ITK: variants seen among roughly 807,000 people sequenced by gnomAD.
The protein encoded by ITK is IL2 inducible T cell kinase.
In ITK, 45 loss-of-function variants were observed where a neutral mutation model predicts 87.6. The observed-to-expected ratio is 0.51, with a 90% CI of 0.40 to 0.66. The LOEUF (loss-of-function observed/expected upper bound fraction) is 0.66. ITK is among the 30% of genes least tolerant of loss of function. The pLI is 0.00. For synonymous variants in ITK, 303 were observed against 273.6 expected (o/e 1.11, Z -1.06); for missense variants, 605 against 766.3 (o/e 0.79, Z 2.48).
At chr5:157,220,983 G>A (rs993471985) in intron 5 of ITK, among the ~76,000 whole-genome samples, 12 of 151,964 alleles carry the variant, frequency 7.9e-5, no homozygotes, top group Admixed American at 2.6e-4. Flanking sequence ...CTCAGCCTCC[G>A]CAGTTGCTGG....
intron 6 of ITK, 103 bp downstream of exon 6, chr5:157,223,117 T>A (rs1420575486): frequency 7.2e-7 from 1 of 1,384,832 alleles, no homozygotes; most frequent in East Asian, 2.3e-5. Flanking sequence ...ACCACAGCAC[T>A]GAGGTGGGAG....
Position 157,253,762 on chromosome 5 carries a change from G to A in ITK, c.*1084G>A, listed in dbSNP as rs1755196162. The A allele has an allele frequency of 4.6e-6, 1 of 216,722 alleles. No individual in the cohort carries two copies. The highest frequency in any genetic ancestry group is 9.3e-6 in the Non-Finnish European group (1 of 107,738). 13.4% of individuals were successfully genotyped at this position (216,722 alleles called of 1,614,324 possible). On this transcript the variant is annotated 3_prime_UTR_variant, in exon 17 of 17. Transcript: ENST00000422843. ...AGACTCCAAGTCTCCTAAAATTCTA[G>A]GAGAGAAATAAAGAGTCTGTTTTTG...
intron 6 of ITK, among the ~76,000 whole-genome samples, chr5:157,223,447 T>C (rs1349379016): frequency 2.0e-5 from 3 of 152,230 alleles, no homozygotes; most frequent in Admixed American, 6.5e-5. Flanking sequence ...TTGATAGTTA[T>C]GTTAGGACGC....
intron 1 of ITK, among the ~76,000 whole-genome samples, chr5:157,205,975 C>CT (rs36004184): frequency 0.026 from 2,896 of 111,456 alleles, 66 homozygotes; most frequent in Non-Finnish European, 0.033. Context: ...AAGGATTAGC[C>CT]TTTTTTTTTT....
intron 1 of ITK, among the ~76,000 whole-genome samples, chr5:157,208,609 T>G (rs1265838427): frequency 6.6e-6 from 1 of 152,176 alleles, no homozygotes; most frequent in Non-Finnish European, 1.5e-5. Context: ...CTGCCAATGC[T>G]GCCATTTGTC....
intron 6 of ITK, among the ~76,000 whole-genome samples, chr5:157,224,820 T>A (rs927951171): frequency 9.2e-5 from 14 of 152,108 alleles, no homozygotes; most frequent in Admixed American, 3.3e-4. Flanking sequence ...AATCTTAGAA[T>A]GTATGATTGT....
intron 2 of ITK, 115 bp from the exon 3 acceptor site, chr5:157,211,172 G>A (rs1001068752): frequency 1.2e-6 from 1 of 838,156 alleles, no homozygotes; most frequent in Non-Finnish European, 2.1e-6. Context: ...TTACCCAAAT[G>A]TTTGCCTATA....
At chr5:157,251,895 A>C (rs1755144934) in intron 16 of ITK, among the ~76,000 whole-genome samples, 1 of 152,244 alleles carries the variant, frequency 6.6e-6, no homozygotes, top group Non-Finnish European at 1.5e-5. Context: ...GTAGCTTTAG[A>C]GTAAGTCCTA....
At chr5:157,237,085 A>G (rs539059664) in intron 8 of ITK, among the ~76,000 whole-genome samples, 1 of 152,358 alleles carries the variant, frequency 6.6e-6, no homozygotes, top group South Asian at 2.1e-4. Flanking sequence ...AGGATAATAA[A>G]TTATTCTACC....
rs1010203146 is a variant in ITK, at chr5:157,190,039, A to C, written c.138+8924A>C. Among the ~76,000 whole-genome samples the C allele has an allele frequency of 2.6e-5, 4 of 152,182 alleles. No individual in the cohort carries two copies. The East Asian group carries it at 5.8e-4, about 22-fold the overall frequency. On this transcript the variant is annotated intron_variant, in intron 1 of 16. Transcript: ENST00000422843. Reference sequence around the variant, plus strand: ...TCTGTAATGCCTTCCCATGCATATAAAAGTCCCCTTTTGGATCAACAGTCT... The same window carrying C: ...TCTGTAATGCCTTCCCATGCATATACAAGTCCCCTTTTGGATCAACAGTCT...
intron 1 of ITK, among the ~76,000 whole-genome samples, chr5:157,182,558 G>A (rs189138448): frequency 5.9e-5 from 9 of 152,194 alleles, no homozygotes; most frequent in East Asian, 5.8e-4. Context: ...ATGGAATTAC[G>A]TGCAAGTCCT....
At chr5:157,248,515 C>T (rs531150762) in intron 15 of ITK, among the ~76,000 whole-genome samples, 8 of 152,110 alleles carry the variant, frequency 5.3e-5, no homozygotes, top group South Asian at 2.1e-4. Flanking sequence ...TCTCATTTTC[C>T]ACAATCCTCC....
intron 5 of ITK, among the ~76,000 whole-genome samples, chr5:157,218,545 T>C (rs570154162): frequency 4.1e-4 from 62 of 151,332 alleles, no homozygotes; most frequent in African/African-American, 1.4e-3. Flanking sequence ...GCACATCTAC[T>C]CTTCGCAAGC....
chr5:157,243,664 G>A lies in ITK; in HGVS notation c.1102G>A (p.Glu368Lys), dbSNP rs1754959488. Residue 368 changes from glutamate (E) to lysine (K), a missense_variant, in exon 12 of 17, where the codon GAG (glutamate) becomes AAG (lysine). By Grantham distance (56) the Glu-to-Lys change is moderately conservative. Around this residue, in one of 3 missense-constraint regions of ITK, gnomAD observed 464 missense variants for 578.0 expected, o/e 0.80. Transcript: ENST00000422843. ...IDPSELTFVQ[E>K]IGSGQFGLVH... The stretch of plus-strand genomic sequence containing the variant: ...CCCCTCAGAGCTCACTTTTGTGCAA[G>A]AGATTGGCAGTGGGCAATTTGGGTT... 6.2e-7 allele frequency: 1 copy of A among 1,613,482 alleles called. No individual in the cohort carries two copies. The highest frequency in any genetic ancestry group is 1.7e-5 in the Admixed American group (1 of 59,994).
chr5:157,248,698 C>A, intron 15 of ITK, 152 bp from the exon 16 acceptor site: 2 of 831,232 alleles, frequency 2.4e-6, no homozygotes, highest in Non-Finnish European at 4.0e-6. Context: ...AAAAATAGGA[C>A]AGGCCTAATA....
intron 1 of ITK, among the ~76,000 whole-genome samples, chr5:157,206,157 G>A (rs540840152): frequency 1.5e-4 from 23 of 151,832 alleles, no homozygotes; most frequent in African/African-American, 2.4e-4. Context: ...GTTTCACCAC[G>A]TTTCCCAGGC....
chr5:157,240,014 C>T, intron 9 of ITK, 48 bp from the exon 10 acceptor site: 3 of 1,588,734 alleles, frequency 1.9e-6, no homozygotes. Flanking sequence ...TTTTGTGTCT[C>T]AACATTGCTT....
At chr5:157,226,030 G>T (rs1754524631) in intron 6 of ITK, among the ~76,000 whole-genome samples, 1 of 152,210 alleles carries the variant, frequency 6.6e-6, no homozygotes, top group Non-Finnish European at 1.5e-5. Flanking sequence ...TCCCCAGTTT[G>T]CTTTGTGATA....
At chr5:157,222,343 G>A (rs1196555211) in intron 5 of ITK, among the ~76,000 whole-genome samples, 1 of 152,136 alleles carries the variant, frequency 6.6e-6, no homozygotes, top group Non-Finnish European at 1.5e-5. Context: ...AGAGTAGAGA[G>A]AGTCTTAGGG....
Sources: allele counts gnomAD v4.1 joint callset (sites outside exome capture counted in the v4.1 genomes callset), GRCh38; gene constraint gnomAD v4.1.1; regional missense constraint gnomAD v4.1.1; transcripts MANE v1.5; gene names NCBI Gene and HGNC (gene_info 2026-07-23, HGNC 2026-07-21).